The following DDX46 variants were observed in gnomAD, a reference collection of about 807,000 sequenced individuals.
DDX46 encodes the protein DEAD-box helicase 46.
In DDX46, 30 loss-of-function variants were observed where a neutral mutation model predicts 134.9. The ratio of observed to expected loss-of-function variants is 0.22; its 90% confidence interval spans 0.17 to 0.30. DDX46 has a LOEUF of 0.30. Among genes scored for constraint, DDX46 ranks in the 10% least tolerant of loss-of-function variants. The pLI is 1.00. For missense variants in DDX46, 622 were observed against 1,248.7 expected, an observed-to-expected ratio of 0.50 and a Z score of 7.56; for synonymous variants, 415 against 404.1, an observed-to-expected ratio of 1.03 and a Z score of -0.32.
intron 5 of DDX46, among the ~76,000 whole-genome samples, chr5:134,776,716 A>T (rs993069066): frequency 1.3e-5 from 2 of 151,846 alleles, no homozygotes; most frequent in African/African-American, 4.8e-5. Context: ...GGAGTTCGAG[A>T]CCAGCCTGAC....
rs754090859 is a variant in DDX46, at chr5:134,811,261, A to C, written c.2189A>C (p.Tyr730Ser). ...TTTATCACAGAGGATCAAGCTCGCT[A>C]TGCTGGTGACATAATTAAAGCTCTT... Reference protein sequence around the residue: ...YTFITEDQARYAGDIIKALEL... With the variant: ...YTFITEDQARSAGDIIKALEL... Residue 730 changes from tyrosine (Y) to serine (S), a missense_variant, in exon 17 of 23, where the codon TAT (tyrosine) becomes TCT (serine). Transcript: ENST00000452510. 5.6e-6 allele frequency: 9 copies of C among 1,614,048 alleles called. No homozygotes were observed. In the East Asian group the frequency reaches 1.8e-4, roughly 32 times the overall value.
intron 6 of DDX46, among the ~76,000 whole-genome samples, chr5:134,780,457 G>T (rs1051811349): frequency 1.5e-4 from 22 of 150,058 alleles, no homozygotes; most frequent in African/African-American, 4.6e-4. Flanking sequence ...CCAGCTCCTG[G>T]GGAGGCTGAG....
chr5:134,776,953 C>T (rs1792722758), intron 5 of DDX46, among the ~76,000 whole-genome samples: 1 of 150,884 alleles, frequency 6.6e-6, no homozygotes, highest in Admixed American at 6.6e-5. Context: ...TGGCTCACGC[C>T]TGTAATCCCA....
rs561667841 is a variant in DDX46 at position 134,829,301 on chromosome 5, G to T, written c.*595G>T. 1 of 152,138 alleles carries T rather than the reference G, an allele frequency of 6.6e-6. No homozygotes were observed. The highest frequency in any genetic ancestry group is 1.5e-5 in the Non-Finnish European group (1 of 68,014). The allele number at this position is 152,138 out of a possible 1,614,324, so 9.4% of individuals were successfully genotyped here. ...ACAAGTAAAGATTTAATAGTATAAG[G>T]ATTTTTTTGCATTTCTTTACACTGA... On this transcript the variant is annotated 3_prime_UTR_variant, in exon 23 of 23. Transcript: ENST00000452510.
At chr5:134,801,926 G>T (rs922950929) in intron 15 of DDX46, among the ~76,000 whole-genome samples, 5 of 152,090 alleles carry the variant, frequency 3.3e-5, no homozygotes, top group African/African-American at 1.2e-4. Flanking sequence ...TATATCTAGG[G>T]ATGGTATTAT....
At chr5:134,826,809 G>C (rs932454186) in intron 21 of DDX46, 138 bp from the exon 22 acceptor site, 6 of 648,762 alleles carry the variant, frequency 9.2e-6, no homozygotes, top group Admixed American at 7.0e-5. Flanking sequence ...GTTCCACCAG[G>C]CATTAAATGG....
At chr5:134,825,629 C>T (rs751670385) in intron 21 of DDX46, among the ~76,000 whole-genome samples, 1 of 152,122 alleles carries the variant, frequency 6.6e-6, no homozygotes, top group Non-Finnish European at 1.5e-5. Flanking sequence ...TTAGACATTT[C>T]AATCTTTAGT....
In DDX46 at chr5:134,830,183, AAG is replaced by A. The variant is rs1477020013; in HGVS notation, c.*1479_*1480del. Reference sequence around the variant, plus strand: ...GATCAAAAATAGAAAAAAAAAAAAAAAGAAAAAAAGAATGTAAAATTTTAAAA... The same window carrying A: ...GATCAAAAATAGAAAAAAAAAAAAAAAAAAAAAGAATGTAAAATTTTAAAA... On this transcript the variant is annotated 3_prime_UTR_variant, in exon 23 of 23. Transcript: ENST00000452510. 196 of 151,676 alleles carry A rather than the reference AAG, an allele frequency of 1.3e-3. No individual in the cohort carries two copies. The highest frequency in any genetic ancestry group is 6.8e-3 in the Middle Eastern group (2 of 294). 9.4% of individuals were successfully genotyped at this position (151,676 alleles called of 1,614,324 possible).
intron 10 of DDX46, among the ~76,000 whole-genome samples, chr5:134,784,858 T>C (rs1012053922): frequency 6.6e-6 from 1 of 152,182 alleles, no homozygotes; most frequent in Non-Finnish European, 1.5e-5. Context: ...CCAGTATCAG[T>C]GGATATATAA....
intron 16 of DDX46, among the ~76,000 whole-genome samples, chr5:134,808,918 C>T (rs1046470733): frequency 3.3e-5 from 5 of 152,084 alleles, no homozygotes; most frequent in African/African-American, 7.3e-5. Context: ...GTCATTTTAA[C>T]TGTTTTACAT....
chr5:134,763,742 A>T (rs1397929470), intron 1 of DDX46, among the ~76,000 whole-genome samples, 162 bp from the exon 2 acceptor site: 1 of 152,162 alleles, frequency 6.6e-6, no homozygotes, highest in Non-Finnish European at 1.5e-5. Context: ...GTCTGTGCTG[A>T]AGCAGAAGGG....
chr5:134,799,751 A>C (rs1247710521), intron 15 of DDX46, among the ~76,000 whole-genome samples: 1 of 151,908 alleles, frequency 6.6e-6, no homozygotes, highest in Non-Finnish European at 1.5e-5. Flanking sequence ...GAAAAAAAAA[A>C]AAAAAACCCT....
rs1009920045 is a variant in DDX46 at position 134,801,737 on chromosome 5, G to T, written c.1954+5587G>T. On this transcript the variant is annotated intron_variant, in intron 15 of 22. Transcript: ENST00000452510. ...TTCTTATTACTGAGTAGTATTCATT[G>T]TATGGATTTATCACTGTTTGTGTAT... Among the ~76,000 whole-genome samples the T allele has an allele frequency of 4.6e-5, 7 of 152,072 alleles. No individual in the cohort carries two copies. In the East Asian group the frequency reaches 9.6e-4, roughly 21 times the overall value.
At chr5:134,803,010 T>G (rs931827032) in intron 15 of DDX46, among the ~76,000 whole-genome samples, 6 of 152,182 alleles carry the variant, frequency 3.9e-5, no homozygotes, top group African/African-American at 1.4e-4. Context: ...TTATTATTAT[T>G]TTTTATACGG....
rs752122145 is a variant in DDX46, at chr5:134,770,889, TA to T, written c.351-13del. On this transcript the variant is annotated splice_polypyrimidine_tract_variant and intron_variant, in intron 3 of 22. Coordinates refer to ENST00000452510, the MANE Select transcript of DDX46 (RefSeq NM_001300860.2). ...TGAATGACATTTCTCTTGTCTCTTTTATTTTTTTGGTAGATCTAGGTCCAAA... is the reference window on the plus strand; with the variant it reads ...TGAATGACATTTCTCTTGTCTCTTTTTTTTTTTGGTAGATCTAGGTCCAAA... 1 of 1,568,386 alleles carries T rather than the reference TA, an allele frequency of 6.4e-7. No individual in the cohort carries two copies. Among genetic ancestry groups the T allele is most frequent in the Admixed American group, 2.2e-5 (1 of 46,154 alleles).
intron 21 of DDX46, among the ~76,000 whole-genome samples, chr5:134,824,092 T>G (rs993242469): frequency 1.3e-5 from 2 of 152,194 alleles, no homozygotes; most frequent in Non-Finnish European, 2.9e-5. Context: ...TCAGAACACA[T>G]CTCTACTACC....
intron 3 of DDX46, among the ~76,000 whole-genome samples, chr5:134,769,918 C>T (rs1238478503): frequency 2.6e-5 from 4 of 152,180 alleles, no homozygotes; most frequent in Non-Finnish European, 5.9e-5. Flanking sequence ...GCCTTGGCCT[C>T]TCAAAGTGCT....
At chr5:134,805,013 C>G (rs564728712) in intron 15 of DDX46, 1 of 388,396 alleles carries the variant, frequency 2.6e-6, no homozygotes, top group African/African-American at 2.1e-5. Context: ...TTGGTGCTTT[C>G]CCAACTTTGT....
At chr5:134,804,975 C>A in intron 15 of DDX46, 1 of 371,824 alleles carries the variant, frequency 2.7e-6, no homozygotes, top group South Asian at 2.5e-5. Flanking sequence ...CCCTTGAAGT[C>A]TGCATGGGCA....
Sources: allele counts gnomAD v4.1 joint callset (sites outside exome capture counted in the v4.1 genomes callset), GRCh38; gene constraint gnomAD v4.1.1; transcripts MANE v1.5; gene names NCBI Gene and HGNC (gene_info 2026-07-23, HGNC 2026-07-21).